The following MARCHF1 variants were observed in gnomAD, a reference collection of about 807,000 sequenced individuals.
The protein encoded by MARCHF1 is E3 ubiquitin-protein ligase MARCHF1.
A neutral mutation model predicts 54.2 loss-of-function variants in MARCHF1; 40 were observed. That is an observed-to-expected ratio of 0.74 (90% CI 0.57 to 0.96). The LOEUF (loss-of-function observed/expected upper bound fraction) is 0.96. Ranked by LOEUF, MARCHF1 falls within the 40% of genes least tolerant of loss-of-function variation. The pLI, the probability that MARCHF1 is intolerant of heterozygous loss-of-function variation, is 0.00. For missense variants in MARCHF1, 586 were observed against 656.5 expected (o/e 0.89, Z 1.17); for synonymous variants, 236 against 236.3 (o/e 1.00, Z 0.01).
chr4:163,726,113 T>A (rs1204604489), intron 4 of MARCHF1, among the ~76,000 whole-genome samples: 1 of 152,194 alleles, frequency 6.6e-6, no homozygotes, highest in Non-Finnish European at 1.5e-5. Context: ...AATTCATGAA[T>A]GTACACTGAC....
chr4:163,850,677 T>A (rs1461119771), intron 4 of MARCHF1, among the ~76,000 whole-genome samples: 1 of 152,214 alleles, frequency 6.6e-6, no homozygotes, highest in African/African-American at 2.4e-5. Context: ...GTAGAAAGCC[T>A]TCTAGTTGCA....
chr4:163,983,067 C>G (rs923053842), intron 3 of MARCHF1, among the ~76,000 whole-genome samples: 1 of 152,098 alleles, frequency 6.6e-6, no homozygotes, highest in Non-Finnish European at 1.5e-5. Flanking sequence ...ACATGGATGA[C>G]GTACAGTAAT....
At chr4:163,794,271 TCTC>T (rs1353886969) in intron 4 of MARCHF1, among the ~76,000 whole-genome samples, 1 of 152,220 alleles carries the variant, frequency 6.6e-6, no homozygotes, top group East Asian at 1.9e-4. Context: ...TATTCTGCAT[TCTC>T]CTATCAATAT....
chr4:163,800,403 C>CA (rs1748046410), intron 4 of MARCHF1, among the ~76,000 whole-genome samples: 1 of 151,872 alleles, frequency 6.6e-6, no homozygotes, highest in Admixed American at 6.6e-5. Flanking sequence ...GTTCTTTCAA[C>CA]ATTTTTTTGC....
chr4:164,211,397 C>CAT (rs34047038), intron 1 of MARCHF1, among the ~76,000 whole-genome samples: 10,724 of 146,092 alleles, frequency 0.073, 520 homozygotes, highest in Non-Finnish European at 0.11. Context: ...TACACACACA[C>CAT]ATATATATAT....
At chr4:164,064,129 G>C (rs1014579842) in intron 2 of MARCHF1, among the ~76,000 whole-genome samples, 9 of 152,170 alleles carry the variant, frequency 5.9e-5, no homozygotes, top group African/African-American at 1.9e-4. Flanking sequence ...TCTTATGATT[G>C]TCTTGGCTAT....
intron 4 of MARCHF1, among the ~76,000 whole-genome samples, chr4:163,748,331 G>A (rs1746420770): frequency 6.6e-6 from 1 of 151,170 alleles, no homozygotes; most frequent in Non-Finnish European, 1.5e-5. Context: ...AGAGAATGAG[G>A]TAAAGGCTAC....
intron 3 of MARCHF1, among the ~76,000 whole-genome samples, chr4:163,898,749 A>C (rs1422951701): frequency 6.6e-6 from 1 of 152,224 alleles, no homozygotes; most frequent in Non-Finnish European, 1.5e-5. Context: ...TATTCATTGC[A>C]GCACTACTGA....
At chr4:164,031,044 T>C (rs1333518503) in intron 2 of MARCHF1, among the ~76,000 whole-genome samples, 1 of 152,206 alleles carries the variant, frequency 6.6e-6, no homozygotes, top group African/African-American at 2.4e-5. Context: ...CCTCTTTTCC[T>C]ATCAGAATAC....
At chr4:164,335,623 A>G (rs1255614754) in intron 1 of MARCHF1, among the ~76,000 whole-genome samples, 2 of 151,736 alleles carry the variant, frequency 1.3e-5, no homozygotes, top group South Asian at 2.1e-4. Flanking sequence ...AGCCACTCCA[A>G]CTTTCAGCAA....
intron 7 of MARCHF1, among the ~76,000 whole-genome samples, chr4:163,594,187 T>C (rs1160140916): frequency 6.6e-6 from 1 of 152,082 alleles, no homozygotes; most frequent in Non-Finnish European, 1.5e-5. Flanking sequence ...GGTAGAATTA[T>C]GGCAGATGGA....
In MARCHF1 at chr4:163,678,827, T is replaced by A. The variant is rs147536314; in HGVS notation, c.162+21986A>T. ...TCACTGTTTATCCACATATTAACAG[T>A]TTTATTTATCAGGTTGTTTGGTCAG... is the stretch of plus-strand genomic sequence containing the variant. On this transcript the variant is annotated intron_variant, in intron 5 of 9. Coordinates refer to ENST00000514618, the MANE Select transcript of MARCHF1 (RefSeq NM_001394959.1). Among the ~76,000 whole-genome samples the A allele has an allele frequency of 3.1e-3, 479 of 152,358 alleles. 1 individual carries two copies. The highest frequency in any genetic ancestry group is 0.011 in the African/African-American group (454 of 41,582).
intron 3 of MARCHF1, among the ~76,000 whole-genome samples, chr4:163,893,125 C>T (rs1224270990): frequency 1.3e-5 from 2 of 151,336 alleles, no homozygotes; most frequent in Non-Finnish European, 2.9e-5. Context: ...GAGGGAGACC[C>T]AACCTTACAT....
At position 164,345,575 on chromosome 4, in the gene MARCHF1, T is replaced by TC. The variant is rs1730067601; in HGVS notation, c.-323+38294_-323+38295insG. ...ACTGAGCAAGAATCTGTCTCAAACA[T>TC]AATAATAATAATAATAATAATAATA... On this transcript the variant is annotated intron_variant, in intron 1 of 9. Transcript: ENST00000514618. Among the ~76,000 whole-genome samples, 103 of 15,164 alleles carry TC rather than the reference T, an allele frequency of 6.8e-3. 1 individual carries two copies. Among genetic ancestry groups the TC allele is most frequent in the African/African-American group, 0.015 (99 of 6,394 alleles). The allele number at this position is 15,164 out of a possible 152,430, so 9.9% of individuals were successfully genotyped here.
intron 3 of MARCHF1, among the ~76,000 whole-genome samples, chr4:163,890,524 C>A (rs1465847388): frequency 6.6e-6 from 1 of 152,060 alleles, no homozygotes; most frequent in Non-Finnish European, 1.5e-5. Flanking sequence ...CTTGATCAAT[C>A]TATGCCTTAG....
chr4:164,241,840 C>T (rs1732770145), intron 1 of MARCHF1, among the ~76,000 whole-genome samples: 1 of 152,196 alleles, frequency 6.6e-6, no homozygotes, highest in Non-Finnish European at 1.5e-5. Flanking sequence ...AGGGAGTTCC[C>T]TTTCTGAGCC....
intron 1 of MARCHF1, among the ~76,000 whole-genome samples, chr4:164,320,050 T>A (rs969313301): frequency 2.0e-5 from 3 of 152,136 alleles, no homozygotes; most frequent in African/African-American, 7.2e-5. Context: ...ACAATCTCTA[T>A]CATATGTTTT....
At chr4:164,225,282 G>A (rs1006920938) in intron 1 of MARCHF1, among the ~76,000 whole-genome samples, 4 of 151,880 alleles carry the variant, frequency 2.6e-5, no homozygotes, top group Non-Finnish European at 5.9e-5. Flanking sequence ...ATCGTCTTTT[G>A]CCTAATGTTT....
chr4:163,763,648 T>C (rs77500361), intron 4 of MARCHF1, among the ~76,000 whole-genome samples: 2,834 of 152,032 alleles, frequency 0.019, 38 homozygotes, highest in East Asian at 0.071. Flanking sequence ...AAAAAAGAAA[T>C]ATTTCAGCAC....
Sources: gnomAD v4.1 joint callset for allele counts (sites outside exome capture counted in the v4.1 genomes callset) on GRCh38, gnomAD v4.1.1 for gene constraint, MANE v1.5 for transcripts, NCBI Gene and HGNC (gene_info 2026-07-23, HGNC 2026-07-21) for gene names.